Variants in GRIA4 observed in about 807,000 individuals in gnomAD.
GRIA4 encodes glutamate ionotropic receptor AMPA type subunit 4.
A neutral mutation model predicts 104.0 loss-of-function variants in GRIA4; 34 were observed. The observed-to-expected ratio is 0.33, with a 90% CI of 0.25 to 0.44. GRIA4 has a LOEUF of 0.44. GRIA4 is among the 20% of genes least tolerant of loss of function. The pLI is 1.00. For synonymous variants in GRIA4, 386 were observed against 381.9 expected (o/e 1.01, Z -0.13); for missense variants, 750 against 1,096.5 (o/e 0.68, Z 4.46).
In GRIA4 at chr11:105,980,939, A is replaced by T. The variant is rs1859229619; in HGVS notation, c.*1200A>T. ...GGGAATGAATCACTGTCCTAACAAC[A>T]ACATACCTTGTAATTGTGTGTTGAA... On this transcript the variant is annotated 3_prime_UTR_variant, in exon 17 of 17. Transcript: ENST00000282499. The T allele has an allele frequency of 6.6e-6, 1 of 152,624 alleles. No individual in the cohort carries two copies. The highest frequency in any genetic ancestry group is 1.5e-5 in the Non-Finnish European group (1 of 68,034). The allele number at this position is 152,624 out of a possible 1,614,324, so 9.5% of individuals were successfully genotyped here. A position where few individuals can be genotyped will look rare whatever the true frequency, so the allele number is the denominator to read the frequency against.
At chr11:105,790,064 C>G (rs1942148313) in intron 4 of GRIA4, among the ~76,000 whole-genome samples, 1 of 152,108 alleles carries the variant, frequency 6.6e-6, no homozygotes, top group South Asian at 2.1e-4. Context: ...TTCTATCACT[C>G]TCACACAGCT....
intron 3 of GRIA4, among the ~76,000 whole-genome samples, chr11:105,700,044 T>G (rs1250920661): frequency 6.6e-6 from 1 of 152,218 alleles, no homozygotes; most frequent in Non-Finnish European, 1.5e-5. Flanking sequence ...TGAATAAATA[T>G]CTATGGTAAA....
intron 3 of GRIA4, among the ~76,000 whole-genome samples, chr11:105,722,176 C>A (rs1937868544): frequency 6.6e-6 from 1 of 152,094 alleles, no homozygotes; most frequent in Non-Finnish European, 1.5e-5. Flanking sequence ...AAGAATATTT[C>A]TGTATACAGA....
At chr11:105,700,389 TATTGCTAAACCAGAGTAGATC>T (rs1953444168) in intron 3 of GRIA4, among the ~76,000 whole-genome samples, 1 of 152,166 alleles carries the variant, frequency 6.6e-6, no homozygotes, top group Non-Finnish European at 1.5e-5. Context: ...GCCAGACACA[TATTGCTAAACCAGAGTAGATC>T]ATCCCTATTA....
intron 3 of GRIA4, among the ~76,000 whole-genome samples, chr11:105,721,295 C>A (rs761642669): frequency 6.6e-6 from 1 of 152,030 alleles, no homozygotes; most frequent in Non-Finnish European, 1.5e-5. Flanking sequence ...AAGTTTATTT[C>A]CGAGTAGCAC....
intron 5 of GRIA4, among the ~76,000 whole-genome samples, chr11:105,883,168 T>C (rs146715759): frequency 8.5e-5 from 13 of 152,100 alleles, no homozygotes; most frequent in Non-Finnish European, 1.3e-4. Flanking sequence ...TTAAACACGT[T>C]ATTTTGGTAA....
chr11:105,625,243 A>G (rs1445605), intron 3 of GRIA4, among the ~76,000 whole-genome samples: 3,656 of 152,202 alleles, frequency 0.024, 134 homozygotes, highest in African/African-American at 0.078. Context: ...ATGAAGGCCT[A>G]TTACAGTGTC....
At chr11:105,841,258 T>G (rs1944384223) in intron 4 of GRIA4, among the ~76,000 whole-genome samples, 1 of 152,204 alleles carries the variant, frequency 6.6e-6, no homozygotes, top group Non-Finnish European at 1.5e-5. Flanking sequence ...CTTAAATCTT[T>G]AAAAAATTAT....
At chr11:105,666,360 A>C (rs567133879) in intron 3 of GRIA4, among the ~76,000 whole-genome samples, 28 of 152,132 alleles carry the variant, frequency 1.8e-4, no homozygotes, top group African/African-American at 6.7e-4. Context: ...TTTTTAAACT[A>C]TTCCATGGAG....
At chr11:105,927,278 G>A (rs1474243216) in intron 13 of GRIA4, among the ~76,000 whole-genome samples, 1 of 151,956 alleles carries the variant, frequency 6.6e-6, no homozygotes, top group Non-Finnish European at 1.5e-5. Context: ...TCTGCTTTTG[G>A]GCTGAGAGCG....
rs1026823577 is a variant in GRIA4 at position 105,734,765 on chromosome 11, T to G, written c.248-18216T>G. ...TTTCTCTACTTTGTGACTGGCATAC[T>G]CCTAGTTATCAGTCAATTTAAGTTT... On this transcript the variant is annotated intron_variant, in intron 3 of 16. Coordinates refer to ENST00000282499, the MANE Select transcript of GRIA4 (RefSeq NM_000829.4). Among the ~76,000 whole-genome samples the G allele has an allele frequency of 5.4e-4, 82 of 152,316 alleles. 2 individuals carry two copies. The highest frequency in any genetic ancestry group is 2.0e-3 in the African/African-American group (82 of 41,576).
chr11:105,935,764 C>T (rs765206084), intron 14 of GRIA4, among the ~76,000 whole-genome samples: 6 of 152,162 alleles, frequency 3.9e-5, no homozygotes, highest in Non-Finnish European at 5.9e-5. Context: ...CCTTCAGTGA[C>T]GGGTTTGCCT....
At chr11:105,782,801 G>A (rs930491091) in intron 4 of GRIA4, among the ~76,000 whole-genome samples, 2 of 152,202 alleles carry the variant, frequency 1.3e-5, no homozygotes, top group East Asian at 1.9e-4. Context: ...AGCAATGCTA[G>A]TATGCTATAA....
At position 105,973,117 on chromosome 11, in the gene GRIA4, A is replaced by G. The variant is rs561285840; in HGVS notation, c.2409+1089A>G. ...AAAGTCAGACAAGTGCAAATACTTA[A>G]TGAGTAATTATTTTGAAAATGAAGT... On this transcript the variant is annotated intron_variant, in intron 15 of 16. Transcript: ENST00000282499. Among the ~76,000 whole-genome samples, 31 of 152,284 alleles carry G rather than the reference A, an allele frequency of 2.0e-4. No homozygotes were observed. The South Asian group carries it at 6.2e-3, about 31-fold the overall frequency.
rs564871430 is a variant in GRIA4 at position 105,960,542 on chromosome 11, C to T, written c.2295-11372C>T. Reference sequence around the variant, plus strand: ...GCTATAGAAATGGGTGCTGCCCTTCCCCCACCCAGGTAGTTTAGCATGTTA... The same window carrying T: ...GCTATAGAAATGGGTGCTGCCCTTCTCCCACCCAGGTAGTTTAGCATGTTA... On this transcript the variant is annotated intron_variant, in intron 14 of 16. Transcript: ENST00000282499. Among the ~76,000 whole-genome samples the T allele has an allele frequency of 2.0e-4, 30 of 152,320 alleles. No individual in the cohort carries two copies. The East Asian group carries it at 5.8e-3, about 30-fold the overall frequency.
At chr11:105,728,699 C>T (rs1228847812) in intron 3 of GRIA4, among the ~76,000 whole-genome samples, 1 of 152,132 alleles carries the variant, frequency 6.6e-6, no homozygotes, top group Non-Finnish European at 1.5e-5. Flanking sequence ...TTAAGAAACT[C>T]GCTCAAAACC....
intron 6 of GRIA4, among the ~76,000 whole-genome samples, chr11:105,891,934 G>A (rs982988061): frequency 6.6e-6 from 1 of 151,936 alleles, no homozygotes; most frequent in African/African-American, 2.4e-5. Context: ...CTAGCACCCA[G>A]CTTATGTTAT....
intron 7 of GRIA4, among the ~76,000 whole-genome samples, chr11:105,902,376 G>T (rs753540540): frequency 2.6e-5 from 4 of 151,258 alleles, no homozygotes; most frequent in Middle Eastern, 3.4e-3. Context: ...TGTCACCCAG[G>T]CTGGAGTGCA....
At chr11:105,886,706 G>A (rs1946276500) in intron 5 of GRIA4, among the ~76,000 whole-genome samples, 2 of 151,922 alleles carry the variant, frequency 1.3e-5, no homozygotes, top group Admixed American at 6.6e-5. Flanking sequence ...TATCATTGAC[G>A]ACACCAGTGA....
Sources: gnomAD v4.1 joint callset for allele counts (sites outside exome capture counted in the v4.1 genomes callset) on GRCh38, gnomAD v4.1.1 for gene constraint, MANE v1.5 for transcripts, NCBI Gene and HGNC (gene_info 2026-07-23, HGNC 2026-07-21) for gene names.